Variants in PTPN4 observed in about 807,000 individuals in gnomAD.
PTPN4 encodes the protein tyrosine-protein phosphatase non-receptor type 4.
Under a neutral mutation model 135.5 loss-of-function variants are expected in PTPN4, and 49 were observed. That is an observed-to-expected ratio of 0.36 (90% confidence interval 0.29 to 0.46). PTPN4 has a LOEUF of 0.46. Among genes scored for constraint, PTPN4 ranks in the 20% least tolerant of loss-of-function variants. The pLI, the probability that PTPN4 is intolerant of heterozygous loss-of-function variation, is 1.00. For synonymous variants in PTPN4, 333 were observed against 369.9 expected, an observed-to-expected ratio of 0.90 and a Z score of 1.14; for missense variants, 860 against 1,101.0, an observed-to-expected ratio of 0.78 and a Z score of 3.10.
chr2:119,881,442 A>G (rs747323937), intron 5 of PTPN4, among the ~76,000 whole-genome samples: 28 of 152,112 alleles, frequency 1.8e-4, no homozygotes, highest in Non-Finnish European at 3.1e-4. Flanking sequence ...CATGTTTGTG[A>G]TACTCAGGTT....
chr2:119,864,055 G>A (rs566348707), intron 3 of PTPN4, among the ~76,000 whole-genome samples: 8 of 152,238 alleles, frequency 5.3e-5, no homozygotes, highest in African/African-American at 1.9e-4. Context: ...GAGTGCTCTG[G>A]AGAACATAAG....
intron 1 of PTPN4, among the ~76,000 whole-genome samples, chr2:119,792,421 A>G (rs922916206): frequency 6.6e-6 from 1 of 152,234 alleles, no homozygotes; most frequent in Non-Finnish European, 1.5e-5. Flanking sequence ...GAATAAACAC[A>G]CAACTGGTTA....
chr2:119,852,179 G>A (rs2104980525), intron 2 of PTPN4, among the ~76,000 whole-genome samples: 1 of 152,284 alleles, frequency 6.6e-6, no homozygotes, highest in African/African-American at 2.4e-5. Context: ...GTCATAAGTT[G>A]TAAATCAACC....
At chr2:119,929,345 CT>C (rs1286099737) in intron 13 of PTPN4, among the ~76,000 whole-genome samples, 1 of 151,012 alleles carries the variant, frequency 6.6e-6, no homozygotes. Flanking sequence ...ACCTAGAGTT[CT>C]TTTTTTTTCT....
At chr2:119,809,785 G>T in intron 1 of PTPN4, 52 bp from the exon 2 acceptor site, 1 of 1,451,402 alleles carries the variant, frequency 6.9e-7, no homozygotes. Context: ...TTAAACTACA[G>T]CTTATATTTT....
intron 23 of PTPN4, among the ~76,000 whole-genome samples, chr2:119,962,038 G>A (rs921483285): frequency 2.6e-5 from 4 of 151,998 alleles, no homozygotes; most frequent in Non-Finnish European, 4.4e-5. Context: ...ACGAGTGAAC[G>A]GTATGGTACA....
chr2:119,765,295 ATTAG>A (rs1049006376), intron 1 of PTPN4, among the ~76,000 whole-genome samples: 40 of 152,322 alleles, frequency 2.6e-4, no homozygotes, highest in African/African-American at 8.2e-4. Context: ...AATTTAAGTG[ATTAG>A]TTAAACATTC....
intron 1 of PTPN4, among the ~76,000 whole-genome samples, chr2:119,768,539 AT>A (rs1690677437): frequency 6.6e-6 from 1 of 152,302 alleles, no homozygotes; most frequent in East Asian, 1.9e-4. Flanking sequence ...GATACAACCA[AT>A]TCCAATCTAA....
intron 3 of PTPN4, among the ~76,000 whole-genome samples, chr2:119,865,212 G>C (rs1303686497): frequency 6.6e-6 from 1 of 152,116 alleles, no homozygotes; most frequent in Non-Finnish European, 1.5e-5. Flanking sequence ...TGTAAGTAGA[G>C]TTCCAATTCT....
intron 2 of PTPN4, among the ~76,000 whole-genome samples, chr2:119,853,235 T>C (rs1225293552): frequency 6.6e-6 from 1 of 152,250 alleles, no homozygotes; most frequent in Non-Finnish European, 1.5e-5. Context: ...GATGTTGACA[T>C]CCCTAGTTAT....
At chr2:119,948,239 C>A (rs973096435) in intron 18 of PTPN4, among the ~76,000 whole-genome samples, 1 of 151,698 alleles carries the variant, frequency 6.6e-6, no homozygotes, top group African/African-American at 2.4e-5. Context: ...TAGATAATAT[C>A]TAAAACAGAA....
At chr2:119,784,260 T>G in intron 1 of PTPN4, among the ~76,000 whole-genome samples, 1 of 148,454 alleles carries the variant, frequency 6.7e-6, no homozygotes, top group African/African-American at 2.5e-5. Flanking sequence ...TCAAGAGAGG[T>G]GATGTAGACT....
In PTPN4 at chr2:119,978,742, A is replaced by G. The variant is rs1000096405; in HGVS notation, c.*1672A>G. On this transcript the variant is annotated 3_prime_UTR_variant, in exon 27 of 27. Coordinates refer to ENST00000263708, the MANE Select transcript of PTPN4 (RefSeq NM_002830.4). ...AGCAGTTTCTGAATATTTCTGTAAG[A>G]TCTTGATAAAGTTTAGAGTCAAATG... 1 of 152,134 alleles carries G rather than the reference A, an allele frequency of 6.6e-6. No homozygotes were observed. Among genetic ancestry groups the G allele is most frequent in the Non-Finnish European group, 1.5e-5 (1 of 67,972 alleles). The allele number at this position is 152,134 out of a possible 1,614,324, so 9.4% of individuals were successfully genotyped here. A position where few individuals can be genotyped will look rare whatever the true frequency, so the allele number is the denominator to read the frequency against.
At chr2:119,851,194 C>T (rs1352220797) in intron 2 of PTPN4, among the ~76,000 whole-genome samples, 1 of 152,112 alleles carries the variant, frequency 6.6e-6, no homozygotes, top group Non-Finnish European at 1.5e-5. Flanking sequence ...GGGAGGTTTG[C>T]TTTGAAACTG....
intron 13 of PTPN4, among the ~76,000 whole-genome samples, chr2:119,930,335 G>A (rs555640230): frequency 3.3e-4 from 50 of 152,084 alleles, no homozygotes; most frequent in Non-Finnish European, 6.2e-4. Context: ...AAAAGTTTTA[G>A]CTATGAATTG....
chr2:119,791,185 A>T (rs1691139123), intron 1 of PTPN4: 1 of 142,418 alleles, frequency 7.0e-6, no homozygotes, highest in South Asian at 2.2e-4. Flanking sequence ...GTTGGAGTGC[A>T]GTGGCACAAT....
chr2:119,919,570 C>T (rs1165102806), intron 11 of PTPN4, among the ~76,000 whole-genome samples: 1 of 152,048 alleles, frequency 6.6e-6, no homozygotes, highest in Non-Finnish European at 1.5e-5. Flanking sequence ...ATGATATAAT[C>T]CCAGCACTTT....
intron 10 of PTPN4, among the ~76,000 whole-genome samples, chr2:119,911,053 A>G (rs1248590564): frequency 6.6e-6 from 1 of 152,182 alleles, no homozygotes; most frequent in Non-Finnish European, 1.5e-5. Context: ...CCTTTTGAAC[A>G]TTAGAACTCC....
chr2:119,799,011 C>A (rs994068634), intron 1 of PTPN4, among the ~76,000 whole-genome samples: 2 of 152,178 alleles, frequency 1.3e-5, no homozygotes, highest in African/African-American at 4.8e-5. Flanking sequence ...CGGCTTCTCT[C>A]TGATCCAGTA....
Sources: gnomAD v4.1 joint callset for allele counts (sites outside exome capture counted in the v4.1 genomes callset) on GRCh38, gnomAD v4.1.1 for gene constraint, MANE v1.5 for transcripts, NCBI Gene and HGNC (gene_info 2026-07-23, HGNC 2026-07-21) for gene names.